The following GLMN variants were observed in gnomAD, a reference collection of about 807,000 sequenced individuals.
The protein encoded by GLMN is glomulin.
In GLMN, 75 loss-of-function variants were observed where a neutral mutation model predicts 87.8. That is an observed-to-expected ratio of 0.85 (90% CI 0.71 to 1.04). GLMN has a LOEUF of 1.04. Ranked by LOEUF, GLMN falls within the 50% of genes least tolerant of loss-of-function variation. The pLI, the probability that GLMN is intolerant of heterozygous loss-of-function variation, is 0.00. For missense variants in GLMN, 588 were observed against 658.8 expected (o/e 0.89, Z 1.18); for synonymous variants, 206 against 221.6 (o/e 0.93, Z 0.63).
the GLMN span, among the ~76,000 whole-genome samples, chr1:92,368,634 T>TA: frequency 6.6e-6 from 1 of 152,194 alleles, no homozygotes; most frequent in Non-Finnish European, 1.5e-5. Flanking sequence ...AACTTTTAAT[T>TA]AAAAATCTCT....
At chr1:92,319,254 C>T in the GLMN span, among the ~76,000 whole-genome samples, 1 of 152,162 alleles carries the variant, frequency 6.6e-6, no homozygotes, top group Non-Finnish European at 1.5e-5. Flanking sequence ...GCATTTAACA[C>T]ATATTGTCTT....
At chr1:92,292,594 T>TC (rs1056816720) in intron 3 of GLMN, among the ~76,000 whole-genome samples, 15 of 148,426 alleles carry the variant, frequency 1.0e-4, no homozygotes, top group African/African-American at 3.7e-4. Flanking sequence ...GCCTTTTTTT[T>TC]TTTTTTTTTT....
At chr1:92,328,094 CTT>C in the GLMN span, among the ~76,000 whole-genome samples, 7 of 152,136 alleles carry the variant, frequency 4.6e-5, no homozygotes, top group African/African-American at 1.7e-4. Flanking sequence ...AGATTCTTTC[CTT>C]CATCTTGACT....
the GLMN span, chr1:92,333,559 G>T: frequency 2.3e-6 from 2 of 877,026 alleles, no homozygotes; most frequent in Non-Finnish European, 3.6e-6. Flanking sequence ...ATTATCCTCA[G>T]ATTTTGAACA....
chr1:92,256,815 A>G (rs993441868), intron 16 of GLMN, among the ~76,000 whole-genome samples: 2 of 152,182 alleles, frequency 1.3e-5, no homozygotes, highest in Admixed American at 1.3e-4. Context: ...ATGGGCAAAA[A>G]CTGGAAGCAT....
chr1:92,327,291 A>G, the GLMN span, among the ~76,000 whole-genome samples: 524 of 151,886 alleles, frequency 3.4e-3, 2 homozygotes, highest in Middle Eastern at 6.8e-3. Flanking sequence ...GTTGCTTTCT[A>G]TCTCATTTCC....
Position 92,246,641 on chromosome 1 carries a change from C to T in GLMN, c.1674G>A (p.Leu558=), listed in dbSNP as rs1652706908. The part of the protein sequence containing the change: ...NMPPEMQLKV[L]HSALFTFDLI... ...AATCAAATGTGAAAAGAGCTGAATGCAGGACCTGCAATGCCAAGAAAAAGT... is the reference window on the plus strand; with the variant it reads ...AATCAAATGTGAAAAGAGCTGAATGTAGGACCTGCAATGCCAAGAAAAAGT... The change falls in exon 19 of 19, where the codon CTG becomes CTA. Residue 558 remains leucine (L), a synonymous_variant. Transcript: ENST00000370360. 3.3e-6 allele frequency: 5 copies of T among 1,506,762 alleles called. No individual in the cohort carries two copies. The highest frequency in any genetic ancestry group is 4.6e-6 in the Non-Finnish European group (5 of 1,082,026). The allele number at this position is 1,506,762 out of a possible 1,614,324, so 93.3% of individuals were successfully genotyped here.
At chr1:92,310,698 A>G in the GLMN span, among the ~76,000 whole-genome samples, 3 of 152,282 alleles carry the variant, frequency 2.0e-5, no homozygotes, top group Admixed American at 2.0e-4. Flanking sequence ...GGAGTTCAAG[A>G]TCAGCCTGGC....
At chr1:92,287,830 A>C (rs2101025481) in intron 6 of GLMN, among the ~76,000 whole-genome samples, 1 of 152,186 alleles carries the variant, frequency 6.6e-6, no homozygotes, top group East Asian at 1.9e-4. Context: ...AAAATTTAAA[A>C]ATTACTGGTC....
At chr1:92,248,816 C>T (rs1298794776) in intron 16 of GLMN, among the ~76,000 whole-genome samples, 1 of 152,074 alleles carries the variant, frequency 6.6e-6, no homozygotes, top group Non-Finnish European at 1.5e-5. Context: ...ATATTAATGT[C>T]TCACACCTAT....
upstream of GLMN, chr1:92,301,662 T>C: frequency 1.8e-6 from 1 of 570,420 alleles, no homozygotes; most frequent in East Asian, 3.2e-5. Context: ...TGAAACTTCT[T>C]TGCATTATTA....
chr1:92,364,375 T>TA, the GLMN span, among the ~76,000 whole-genome samples: 8 of 152,032 alleles, frequency 5.3e-5, no homozygotes, highest in African/African-American at 1.9e-4. Context: ...TCAAGACAAA[T>TA]ATAAGGAAGA....
chr1:92,260,739 C>T (rs1374708419), intron 16 of GLMN, among the ~76,000 whole-genome samples: 1 of 111,464 alleles, frequency 9.0e-6, no homozygotes, highest in African/African-American at 3.5e-5. Context: ...CTGGGCAATA[C>T]AGTGAGACAC....
chr1:92,301,542 T>C (rs148812846), upstream of GLMN: 12 of 1,589,044 alleles, frequency 7.6e-6, no homozygotes, highest in African/African-American at 1.6e-4. Context: ...TACATATTGT[T>C]GAACAGCTTT....
intron 7 of GLMN, among the ~76,000 whole-genome samples, chr1:92,283,711 T>C (rs998337223): frequency 1.3e-5 from 2 of 152,098 alleles, no homozygotes; most frequent in African/African-American, 4.8e-5. Flanking sequence ...GATTGTATAT[T>C]TAGAAAACCC....
At chr1:92,247,186 A>G in intron 17 of GLMN, 42 bp from the exon 18 acceptor site, 1 of 926,034 alleles carries the variant, frequency 1.1e-6, no homozygotes, top group East Asian at 2.4e-5. Context: ...TAACTCTCAG[A>G]TTTCAATAAC....
chr1:92,345,815 A>C, the GLMN span: 3 of 1,314,674 alleles, frequency 2.3e-6, no homozygotes, highest in South Asian at 2.4e-5. Context: ...TAAAGGTAAC[A>C]CTCCTTGGAT....
intron 15 of GLMN, among the ~76,000 whole-genome samples, chr1:92,263,169 C>G (rs148575074): frequency 6.6e-6 from 1 of 152,160 alleles, no homozygotes; most frequent in African/African-American, 2.4e-5. Context: ...AGAGCATCAT[C>G]TCTTGCTTTC....
the GLMN span, among the ~76,000 whole-genome samples, chr1:92,349,134 C>T: frequency 6.6e-6 from 1 of 152,186 alleles, no homozygotes; most frequent in African/African-American, 2.4e-5. Flanking sequence ...CACATCTACT[C>T]TCAAATTTCC....
Sources: gnomAD v4.1 joint callset for allele counts (sites outside exome capture counted in the v4.1 genomes callset) on GRCh38, gnomAD v4.1.1 for gene constraint, MANE v1.5 for transcripts, NCBI Gene and HGNC (gene_info 2026-07-23, HGNC 2026-07-21) for gene names.